Variants in ROR1 observed in about 807,000 individuals in gnomAD.
ROR1 encodes the protein inactive tyrosine-protein kinase transmembrane receptor ROR1.
A neutral mutation model predicts 78.8 loss-of-function variants in ROR1; 19 were observed. The ratio of observed to expected loss-of-function variants is 0.24; its 90% CI spans 0.17 to 0.35. The LOEUF (loss-of-function observed/expected upper bound fraction) is 0.35. ROR1 is among the 10% of genes least tolerant of loss of function. The pLI is 1.00. For synonymous variants in ROR1, 386 were observed against 433.6 expected (o/e 0.89, Z 1.36); for missense variants, 917 against 1,177.8 (o/e 0.78, Z 3.24).
At chr1:64,066,379 G>A (rs150602891) in intron 4 of ROR1, among the ~76,000 whole-genome samples, 1,817 of 149,710 alleles carry the variant, frequency 0.012, 44 homozygotes, top group African/African-American at 0.043. Context: ...GTGCAGTGGC[G>A]CCATCTTGGC....
intron 1 of ROR1, among the ~76,000 whole-genome samples, chr1:63,817,237 A>G (rs1200784302): frequency 6.6e-6 from 1 of 152,128 alleles, no homozygotes; most frequent in East Asian, 1.9e-4. Context: ...TTCAGCAGTT[A>G]ATATTTCCCA....
intron 1 of ROR1, among the ~76,000 whole-genome samples, chr1:63,780,333 T>C (rs1412725444): frequency 6.6e-6 from 1 of 152,116 alleles, no homozygotes; most frequent in Non-Finnish European, 1.5e-5. Context: ...TGATAGGGAA[T>C]GGGGGTTTGA....
intron 1 of ROR1, among the ~76,000 whole-genome samples, chr1:63,987,026 T>C (rs1332376537): frequency 3.3e-5 from 5 of 152,136 alleles, no homozygotes; most frequent in African/African-American, 1.2e-4. Context: ...ACTTCAACTT[T>C]AGGTCTTAAA....
intron 6 of ROR1, among the ~76,000 whole-genome samples, chr1:64,140,750 T>G (rs1649285851): frequency 6.6e-6 from 1 of 152,212 alleles, no homozygotes; most frequent in African/African-American, 2.4e-5. Context: ...CATATGAGAA[T>G]GTTTATAACA....
chr1:63,957,437 C>T (rs149809054), intron 1 of ROR1, among the ~76,000 whole-genome samples: 2 of 152,250 alleles, frequency 1.3e-5, no homozygotes, highest in African/African-American at 4.8e-5. Context: ...ATCCATGATG[C>T]CAACAAGCAA....
intron 4 of ROR1, chr1:64,094,877 G>C (rs920969178): frequency 6.6e-6 from 1 of 152,306 alleles, no homozygotes; most frequent in Admixed American, 6.6e-5. Context: ...GGCATGAGCC[G>C]CTGTGCCCAG....
intron 1 of ROR1, among the ~76,000 whole-genome samples, chr1:63,947,804 A>G (rs1217946148): frequency 6.6e-6 from 1 of 152,150 alleles, no homozygotes; most frequent in Non-Finnish European, 1.5e-5. Flanking sequence ...CCCTCCTGAT[A>G]CCTGATACCA....
At chr1:63,864,070 C>T (rs192787419) in intron 1 of ROR1, among the ~76,000 whole-genome samples, 114 of 152,080 alleles carry the variant, frequency 7.5e-4, no homozygotes, top group Non-Finnish European at 1.2e-3. Context: ...TAAGTGCTTC[C>T]CATATAAAAA....
intron 1 of ROR1, among the ~76,000 whole-genome samples, chr1:63,903,918 G>A (rs914134943): frequency 6.6e-6 from 1 of 152,046 alleles, no homozygotes. Flanking sequence ...CAGTAAAAGA[G>A]GTAAAACCAA....
intron 1 of ROR1, among the ~76,000 whole-genome samples, chr1:63,802,004 C>A (rs1034331181): frequency 6.6e-6 from 1 of 152,166 alleles, no homozygotes; most frequent in Non-Finnish European, 1.5e-5. Context: ...AATGCCCCCC[C>A]ATGTGTTTAT....
chr1:64,120,835 T>C (rs1648504669), intron 4 of ROR1, among the ~76,000 whole-genome samples: 1 of 152,112 alleles, frequency 6.6e-6, no homozygotes, highest in Non-Finnish European at 1.5e-5. Context: ...GATGGGTGGA[T>C]GGATGGATGG....
At chr1:64,034,190 T>G (rs911565888) in intron 2 of ROR1, among the ~76,000 whole-genome samples, 13 of 152,116 alleles carry the variant, frequency 8.5e-5, no homozygotes, top group African/African-American at 2.7e-4. Flanking sequence ...TTCATTTTTT[T>G]TTTTTTTTAT....
intron 1 of ROR1, among the ~76,000 whole-genome samples, chr1:63,873,772 A>G (rs1645266703): frequency 6.6e-6 from 1 of 152,204 alleles, no homozygotes; most frequent in Non-Finnish European, 1.5e-5. Flanking sequence ...CAAAACTAAA[A>G]TAAGCATGAA....
chr1:64,088,804 A>G (rs1359973332), intron 4 of ROR1, among the ~76,000 whole-genome samples: 1 of 152,304 alleles, frequency 6.6e-6, no homozygotes, highest in East Asian at 1.9e-4. Flanking sequence ...AAAAGACAGT[A>G]TACCTCAAGA....
chr1:64,044,608 G>C (rs1039487120), intron 2 of ROR1, among the ~76,000 whole-genome samples: 1 of 152,066 alleles, frequency 6.6e-6, no homozygotes, highest in Non-Finnish European at 1.5e-5. Context: ...GGCAGTATAC[G>C]TAAAGTACTC....
intron 1 of ROR1, among the ~76,000 whole-genome samples, chr1:63,813,064 C>CAAA (rs879726306): frequency 7.5e-6 from 1 of 133,014 alleles, no homozygotes. Context: ...AAACAAATGG[C>CAAA]AAAAAAAAAA....
At chr1:64,138,607 G>C (rs1396423078) in intron 5 of ROR1, among the ~76,000 whole-genome samples, 2 of 150,346 alleles carry the variant, frequency 1.3e-5, no homozygotes, top group South Asian at 4.2e-4. Context: ...ATGCAGTGGC[G>C]CGATCTCGGC....
In ROR1 at chr1:63,904,242, T is replaced by C. The variant is rs191853097; in HGVS notation, c.92-105063T>C. ...GGGTTTCTAGAGAATTTAGACATCA[T>C]CTAGTGATTCATTTTAAACTGACGT... is the stretch of plus-strand genomic sequence containing the variant. On this transcript the variant is annotated intron_variant, in intron 1 of 8. Coordinates refer to ENST00000371079, the MANE Select transcript of ROR1 (RefSeq NM_005012.4). Among the ~76,000 whole-genome samples the C allele has an allele frequency of 2.0e-5, 3 of 152,214 alleles. No homozygotes were observed. In the East Asian group the frequency reaches 5.8e-4, roughly 29 times the overall value.
At chr1:63,975,121 T>C (rs1372544443) in intron 1 of ROR1, among the ~76,000 whole-genome samples, 1 of 152,188 alleles carries the variant, frequency 6.6e-6, no homozygotes, top group Non-Finnish European at 1.5e-5. Context: ...TGCTCTACAG[T>C]GGCCCAACTT....
Sources: gnomAD v4.1 joint callset for allele counts (sites outside exome capture counted in the v4.1 genomes callset) on GRCh38, gnomAD v4.1.1 for gene constraint, MANE v1.5 for transcripts, NCBI Gene and HGNC (gene_info 2026-07-23, HGNC 2026-07-21) for gene names.